The following LPP variants were observed in gnomAD, a reference collection of about 807,000 sequenced individuals.
The protein encoded by LPP is LIM domain containing preferred translocation partner in lipoma.
A neutral mutation model predicts 60.4 loss-of-function variants in LPP; 38 were observed. That is an observed-to-expected ratio of 0.63 (90% confidence interval 0.49 to 0.83). The LOEUF (loss-of-function observed/expected upper bound fraction) is 0.83, where lower values mean the gene tolerates loss of function less well. LPP is among the 40% of genes least tolerant of loss of function. The probability of loss-of-function intolerance (pLI) is 0.00; values close to 1 mark genes in which losing one functional copy is unlikely to be tolerated. For synonymous variants in LPP, 328 were observed against 290.8 expected (o/e 1.13, Z -1.30); for missense variants, 902 against 783.6 (o/e 1.15, Z -1.80).
chr3:188,467,368 G>T lies in LPP; in HGVS notation c.194-17224G>T, dbSNP rs1365260. 3.6e-3 allele frequency among the ~76,000 whole-genome samples: 541 copies of T among 152,146 alleles called. 4 individuals are homozygous for T. The highest frequency in any genetic ancestry group is 0.012 in the African/African-American group (492 of 41,502). On this transcript the variant is annotated intron_variant, in intron 4 of 11. Transcript: ENST00000617246. ...ATGAGGAACTCTGGAAAATAGGTAC[G>T]ATGAATACAAGAACTTTTGCTCTTG...
At chr3:188,522,286 C>T (rs1819085739) in intron 5 of LPP, among the ~76,000 whole-genome samples, 1 of 152,158 alleles carries the variant, frequency 6.6e-6, no homozygotes, top group African/African-American at 2.4e-5. Flanking sequence ...ACAAGGCTAG[C>T]CTTCAAATCT....
intron 4 of LPP, among the ~76,000 whole-genome samples, chr3:188,453,893 C>G (rs1259005902): frequency 2.0e-5 from 3 of 152,056 alleles, no homozygotes; most frequent in Non-Finnish European, 4.4e-5. Context: ...TGTGGAGATT[C>G]TAACTCACAT....
intron 7 of LPP, among the ~76,000 whole-genome samples, chr3:188,621,060 G>A (rs1438747278): frequency 1.3e-5 from 2 of 151,814 alleles, no homozygotes; most frequent in East Asian, 3.9e-4. Context: ...CATGGCATGT[G>A]TATACCTGTG....
chr3:188,524,921 T>A (rs375581769), intron 6 of LPP, 134 bp downstream of exon 6: 3 of 609,892 alleles, frequency 4.9e-6, no homozygotes, highest in Middle Eastern at 8.1e-4. Flanking sequence ...CCTTCCTTCC[T>A]TCCTTCCTTC....
intron 3 of LPP, among the ~76,000 whole-genome samples, chr3:188,372,346 T>C (rs1773527508): frequency 6.6e-6 from 1 of 152,134 alleles, no homozygotes; most frequent in Non-Finnish European, 1.5e-5. Context: ...CGATATTTCA[T>C]ATGTACACAC....
At chr3:188,637,193 C>T (rs1231999999) in intron 7 of LPP, among the ~76,000 whole-genome samples, 1 of 151,822 alleles carries the variant, frequency 6.6e-6, no homozygotes, top group Admixed American at 6.6e-5. Flanking sequence ...CAAACTAGAA[C>T]TCAGGATTAA....
chr3:188,279,925 A>C (rs1741329652), intron 2 of LPP, among the ~76,000 whole-genome samples: 2 of 152,052 alleles, frequency 1.3e-5, no homozygotes, highest in Non-Finnish European at 2.9e-5. Context: ...ATGACAGGTA[A>C]CTCCAGCAAA....
At chr3:188,158,966 T>C (rs1352891241) in intron 1 of LPP, among the ~76,000 whole-genome samples, 1 of 152,226 alleles carries the variant, frequency 6.6e-6, no homozygotes, top group Admixed American at 6.5e-5. Flanking sequence ...CTAGCCCCTT[T>C]TTCTCTCTTA....
At chr3:188,456,073 G>T (rs1330973793) in intron 4 of LPP, among the ~76,000 whole-genome samples, 1 of 152,058 alleles carries the variant, frequency 6.6e-6, no homozygotes, top group African/African-American at 2.4e-5. Flanking sequence ...TCTATTTTTT[G>T]TAGAGATGGG....
intron 7 of LPP, among the ~76,000 whole-genome samples, chr3:188,655,848 T>G (rs1340018515): frequency 1.3e-5 from 2 of 152,088 alleles, no homozygotes; most frequent in African/African-American, 4.8e-5. Context: ...TACCAGTGAC[T>G]TCAGTGCTTC....
intron 3 of LPP, among the ~76,000 whole-genome samples, chr3:188,343,490 G>C (rs1412542790): frequency 6.6e-6 from 1 of 152,098 alleles, no homozygotes; most frequent in Non-Finnish European, 1.5e-5. Flanking sequence ...ACAGCTCTGT[G>C]AGGCAGAGAT....
chr3:188,600,822 G>GT (rs1206432268), intron 6 of LPP, among the ~76,000 whole-genome samples: 4 of 151,464 alleles, frequency 2.6e-5, no homozygotes, highest in African/African-American at 9.7e-5. Flanking sequence ...TTTGTTTTTT[G>GT]TTTTTGTAAC....
intron 7 of LPP, among the ~76,000 whole-genome samples, chr3:188,620,693 T>C (rs997706784): frequency 6.6e-6 from 1 of 152,224 alleles, no homozygotes. Flanking sequence ...CACATGGTAA[T>C]TTAATGTTCA....
At chr3:188,565,876 G>T (rs1404182427) in intron 6 of LPP, among the ~76,000 whole-genome samples, 1 of 151,880 alleles carries the variant, frequency 6.6e-6, no homozygotes, top group East Asian at 1.9e-4. Context: ...TTTCACTTTG[G>T]TAGATGAGGA....
chr3:188,692,475 G>C (rs1200847881), intron 7 of LPP, among the ~76,000 whole-genome samples: 1 of 152,130 alleles, frequency 6.6e-6, no homozygotes, highest in African/African-American at 2.4e-5. Flanking sequence ...CTAGATCTCT[G>C]GATATGCAAA....
intron 6 of LPP, among the ~76,000 whole-genome samples, chr3:188,603,231 A>G (rs1256997598): frequency 6.6e-6 from 1 of 151,796 alleles, no homozygotes; most frequent in African/African-American, 2.4e-5. Flanking sequence ...TTTTCTGTTC[A>G]TTCTCCAATT....
intron 7 of LPP, among the ~76,000 whole-genome samples, chr3:188,655,629 G>T (rs1327012924): frequency 6.6e-6 from 1 of 152,118 alleles, no homozygotes; most frequent in Non-Finnish European, 1.5e-5. Context: ...AGATCTCTGG[G>T]TTGAATAGAT....
At chr3:188,771,773 T>A (rs1736123085) in intron 9 of LPP, among the ~76,000 whole-genome samples, 1 of 152,172 alleles carries the variant, frequency 6.6e-6, no homozygotes, top group African/African-American at 2.4e-5. Context: ...GAGAGAATTT[T>A]GCCTAACTTG....
intron 2 of LPP, among the ~76,000 whole-genome samples, chr3:188,234,193 G>A (rs1267325878): frequency 3.9e-5 from 6 of 152,132 alleles, no homozygotes; most frequent in African/African-American, 1.2e-4. Context: ...TTAGGGAGGA[G>A]AAATGACTTA....
Sources: allele counts gnomAD v4.1 joint callset (sites outside exome capture counted in the v4.1 genomes callset), GRCh38; gene constraint gnomAD v4.1.1; transcripts MANE v1.5; gene names NCBI Gene and HGNC (gene_info 2026-07-23, HGNC 2026-07-21).